Variants in FYB2 observed in about 807,000 individuals in gnomAD.
FYB2 encodes the protein FYN binding protein 2.
FYB2 carries 103 observed loss-of-function variants against 94.1 expected under a neutral mutation model. That is an observed-to-expected ratio of 1.09 (90% CI 0.93 to 1.29). The LOEUF is 1.29. Among genes scored for constraint, FYB2 ranks in the 50% most tolerant of loss-of-function variants. The pLI, the probability that FYB2 is intolerant of heterozygous loss-of-function variation, is 0.00. For synonymous variants in FYB2, 293 were observed against 287.9 expected (o/e 1.02, Z -0.18); for missense variants, 896 against 841.5 (o/e 1.06, Z -0.80).
At chr1:56,740,848 A>T (rs1365715135) in intron 12 of FYB2, 53 bp from the exon 13 acceptor site, 2 of 1,215,320 alleles carry the variant, frequency 1.6e-6, no homozygotes, top group Non-Finnish European at 2.3e-6. Flanking sequence ...AGTACTAGAG[A>T]TAGAAGGCTG....
intron 15 of FYB2, among the ~76,000 whole-genome samples, chr1:56,732,796 C>A (rs916513580): frequency 2.0e-5 from 3 of 149,230 alleles, no homozygotes; most frequent in African/African-American, 7.3e-5. Flanking sequence ...TAAAACTAGA[C>A]CCCCCCACCC....
rs1644439529 is a variant in FYB2, at chr1:56,719,130, G to T, written c.*541C>A. The T allele has an allele frequency of 1.3e-5, 2 of 152,284 alleles. No individual in the cohort carries two copies. The highest frequency in any genetic ancestry group is 6.6e-5 in the Admixed American group (1 of 15,252). The allele number at this position is 152,284 out of a possible 1,614,324, so 9.4% of individuals were successfully genotyped here. On this transcript the variant is annotated 3_prime_UTR_variant, in exon 20 of 20. Transcript: ENST00000343433. ...CAAATGTGGAACAGTATTCATATGAGTTTATTTTTGTGATAAAGTAAAAGG... is the reference window on the plus strand; with the variant it reads ...CAAATGTGGAACAGTATTCATATGATTTTATTTTTGTGATAAAGTAAAAGG...
chr1:56,816,973 C>T (rs1646898018), intron 1 of FYB2, among the ~76,000 whole-genome samples: 1 of 152,102 alleles, frequency 6.6e-6, no homozygotes, highest in South Asian at 2.1e-4. Context: ...TGGTCTGAGC[C>T]ACCAACCTCT....
intron 1 of FYB2, among the ~76,000 whole-genome samples, chr1:56,796,619 T>C (rs1646404503): frequency 6.6e-6 from 1 of 152,150 alleles, no homozygotes; most frequent in African/African-American, 2.4e-5. Context: ...TCCTCAAAGC[T>C]TTCAAATAAG....
chr1:56,797,832 C>A (rs1265072381), intron 1 of FYB2, among the ~76,000 whole-genome samples: 1 of 152,178 alleles, frequency 6.6e-6, no homozygotes, highest in Non-Finnish European at 1.5e-5. Context: ...GCCGATACAG[C>A]CTGGTTTGTT....
the FYB2 span, among the ~76,000 whole-genome samples, chr1:56,826,195 G>A: frequency 6.6e-6 from 1 of 152,138 alleles, no homozygotes; most frequent in African/African-American, 2.4e-5. Context: ...CTCTATGGGG[G>A]GTTGTAGGTT....
intron 13 of FYB2, among the ~76,000 whole-genome samples, chr1:56,739,969 A>G (rs528110592): frequency 6.6e-6 from 1 of 152,188 alleles, no homozygotes; most frequent in African/African-American, 2.4e-5. Context: ...ATCTACATCT[A>G]TATCTATCTA....
At position 56,744,240 on chromosome 1, in the gene FYB2, T is replaced by C; in HGVS notation, c.1414A>G (p.Thr472Ala). The C allele has an allele frequency of 1.2e-6, 2 of 1,612,096 alleles. No individual in the cohort carries two copies. Among genetic ancestry groups the C allele is most frequent in the Non-Finnish European group, 1.7e-6 (2 of 1,179,170 alleles). ...HCGHLEVLES[T>A]KETPDLGVSK... The stretch of plus-strand genomic sequence containing the variant: ...ACCCCTAGGTCTGGAGTTTCTTTAG[T>C]TGACTCCAAAACCTCCAGATGCCCA... Residue 472 changes from threonine to alanine, a missense_variant, in exon 10 of 20, where the codon ACT (threonine) becomes GCT (alanine). Coordinates refer to ENST00000343433, the MANE Select transcript of FYB2 (RefSeq NM_001004303.5).
At chr1:56,824,096 A>G (rs1647009349), upstream of FYB2, 1 of 152,252 alleles carries the variant, frequency 6.6e-6, no homozygotes, top group Non-Finnish European at 1.5e-5. Context: ...GGCTCAGAGT[A>G]CTAGGATGTA....
intron 4 of FYB2, among the ~76,000 whole-genome samples, chr1:56,769,340 T>C (rs1023323507): frequency 6.6e-6 from 1 of 152,210 alleles, no homozygotes; most frequent in African/African-American, 2.4e-5. Flanking sequence ...TGGCCTAGAA[T>C]TGGTGAATTA....
intron 2 of FYB2, among the ~76,000 whole-genome samples, chr1:56,789,907 G>A (rs1408165334): frequency 6.6e-6 from 1 of 152,158 alleles, no homozygotes; most frequent in Non-Finnish European, 1.5e-5. Flanking sequence ...ATTGATCTGG[G>A]ATTTCCAGGG....
chr1:56,782,852 A>T (rs1774824), intron 4 of FYB2, among the ~76,000 whole-genome samples: 2 of 151,964 alleles, frequency 1.3e-5, no homozygotes, highest in African/African-American at 2.4e-5. Context: ...TCCCTGAATC[A>T]GGACTATCTC....
At chr1:56,808,713 G>A (rs1054035444) in intron 1 of FYB2, among the ~76,000 whole-genome samples, 1 of 152,160 alleles carries the variant, frequency 6.6e-6, no homozygotes, top group African/African-American at 2.4e-5. Context: ...GAGAAACTGT[G>A]TACTGTATGC....
chr1:56,742,471 T>C (rs1644977998), intron 11 of FYB2, among the ~76,000 whole-genome samples: 1 of 152,096 alleles, frequency 6.6e-6, no homozygotes, highest in Non-Finnish European at 1.5e-5. Flanking sequence ...ACTGATTTAG[T>C]CAAAGAAAGT....
At chr1:56,816,727 AC>A (rs756597305) in intron 1 of FYB2, among the ~76,000 whole-genome samples, 1 of 152,018 alleles carries the variant, frequency 6.6e-6, no homozygotes, top group African/African-American at 2.4e-5. Flanking sequence ...ACCTATGTAG[AC>A]CCCCTAAACA....
intron 4 of FYB2, among the ~76,000 whole-genome samples, chr1:56,783,043 G>C (rs192330555): frequency 6.6e-6 from 1 of 152,258 alleles, no homozygotes; most frequent in African/African-American, 2.4e-5. Context: ...GCATAAAAGA[G>C]TGATGACAAA....
At chr1:56,733,202 C>T (rs1352381063) in intron 15 of FYB2, among the ~76,000 whole-genome samples, 1 of 151,806 alleles carries the variant, frequency 6.6e-6, no homozygotes, top group East Asian at 1.9e-4. Context: ...ATTAAAATGA[C>T]CAATAGTTTA....
intron 4 of FYB2, among the ~76,000 whole-genome samples, chr1:56,784,006 C>T (rs943344435): frequency 6.6e-6 from 1 of 152,104 alleles, no homozygotes; most frequent in Non-Finnish European, 1.5e-5. Flanking sequence ...ATTTTATTTA[C>T]CCTCACCACA....
At chr1:56,735,860 CT>C (rs1377455837) in intron 15 of FYB2, among the ~76,000 whole-genome samples, 5 of 152,056 alleles carry the variant, frequency 3.3e-5, no homozygotes, top group African/African-American at 1.2e-4. Context: ...TCAGGTATTT[CT>C]TTATAGCAGT....
Sources: allele counts gnomAD v4.1 joint callset (sites outside exome capture counted in the v4.1 genomes callset), GRCh38; gene constraint gnomAD v4.1.1; transcripts MANE v1.5; gene names NCBI Gene and HGNC (gene_info 2026-07-23, HGNC 2026-07-21).